The following STYXL1 variants were observed in gnomAD, a reference collection of about 807,000 sequenced individuals.
The protein encoded by STYXL1 is serine/threonine/tyrosine-interacting-like protein 1.
In STYXL1, 32 loss-of-function variants were observed where a neutral mutation model predicts 36.4. The ratio of observed to expected loss-of-function variants is 0.88; its 90% CI spans 0.66 to 1.18. STYXL1 has a LOEUF of 1.18. Ranked by LOEUF, STYXL1 falls within the 50% of genes most tolerant of loss-of-function variation. The pLI is 0.00. For synonymous variants in STYXL1, 133 were observed against 144.1 expected, an observed-to-expected ratio of 0.92 and a Z score of 0.55; for missense variants, 354 against 394.1, an observed-to-expected ratio of 0.90 and a Z score of 0.86.
At chr7:76,005,434 G>A (rs1186365050) in intron 5 of STYXL1, 30 bp from the exon 6 acceptor site, 20 of 1,569,022 alleles carry the variant, frequency 1.3e-5, no homozygotes, top group Non-Finnish European at 1.5e-5. Flanking sequence ...AGGCAGCTAT[G>A]AGCATATTCC....
intron 1 of STYXL1, among the ~76,000 whole-genome samples, chr7:76,031,279 C>T (rs75657820): frequency 0.017 from 2,156 of 129,960 alleles, 72 homozygotes; most frequent in East Asian, 0.16. Flanking sequence ...TGCAGTGAGC[C>T]GGAATCATGC....
chr7:76,003,813 T>C lies in STYXL1; in HGVS notation c.642A>G (p.Glu214=). ...GAAGAATCTGGGCTTCCGGGGAATC[T>C]TCTATCCGGATGTGCAGAAGCTTGT... ...DADKLLHIRI[E]DSPEAQILPF... Residue 214 remains glutamate (E), a synonymous_variant, in exon 7 of 9, where the codon GAA becomes GAG. Transcript: ENST00000359697. The C allele has an allele frequency of 1.2e-6, 2 of 1,614,196 alleles. 1 individual carries two copies. Among genetic ancestry groups the C allele is most frequent in the Non-Finnish European group, 1.7e-6 (2 of 1,180,034 alleles).
At chr7:76,017,061 G>C (rs372701700) in intron 4 of STYXL1, among the ~76,000 whole-genome samples, 3 of 151,872 alleles carry the variant, frequency 2.0e-5, no homozygotes, top group Admixed American at 6.6e-5. Context: ...CGCTCTTGTC[G>C]CCCAGGCTGG....
At chr7:76,016,689 CCTT>C (rs566447329) in intron 4 of STYXL1, among the ~76,000 whole-genome samples, 87 of 152,092 alleles carry the variant, frequency 5.7e-4, no homozygotes, top group Non-Finnish European at 1.1e-3. Flanking sequence ...AATGAGATAA[CCTT>C]CTCACATCAG....
chr7:76,030,641 G>A lies in STYXL1; in HGVS notation c.-4-114C>T. The A allele has an allele frequency of 7.6e-6, 5 of 655,898 alleles. No homozygotes were observed. In the East Asian group the frequency reaches 1.1e-4, roughly 15 times the overall value. 40.6% of individuals were successfully genotyped at this position (655,898 alleles called of 1,614,324 possible). A position where few individuals can be genotyped will look rare whatever the true frequency, so the allele number is the denominator to read the frequency against. On this transcript the variant is annotated intron_variant, in intron 1 of 8. Transcript: ENST00000359697. ...AACATACCTTCAAGCAAAGATGACA[G>A]TAATCATGTAAATGATCAGGAATGC...
chr7:76,028,021 T>G (rs1178795243), intron 3 of STYXL1, among the ~76,000 whole-genome samples: 1 of 152,044 alleles, frequency 6.6e-6, no homozygotes, highest in African/African-American at 2.4e-5. Context: ...GGCGTAGGAT[T>G]GCTCGAGCCC....
chr7:76,004,477 G>C (rs1213305509), intron 6 of STYXL1, among the ~76,000 whole-genome samples: 3 of 151,984 alleles, frequency 2.0e-5, no homozygotes, highest in Non-Finnish European at 2.9e-5. Flanking sequence ...GCCAAGGCAG[G>C]CAGATCACTT....
At chr7:76,022,891 C>A (rs1453389893) in intron 3 of STYXL1, among the ~76,000 whole-genome samples, 5 of 152,138 alleles carry the variant, frequency 3.3e-5, no homozygotes, top group African/African-American at 1.2e-4. Context: ...TGCACCACTG[C>A]ACTCCAGCCT....
At chr7:76,003,630 G>A (rs1180345004) in intron 7 of STYXL1, 128 bp downstream of exon 7, 5 of 808,656 alleles carry the variant, frequency 6.2e-6, no homozygotes, top group East Asian at 5.4e-5. Context: ...AGCATATGCC[G>A]AGCTGGGCCC....
At chr7:76,033,541 AT>A (rs1447939078) in intron 1 of STYXL1, among the ~76,000 whole-genome samples, 6 of 152,068 alleles carry the variant, frequency 3.9e-5, no homozygotes, top group Non-Finnish European at 8.8e-5. Context: ...TCCAGGGGTA[AT>A]CTTGCTCTAA....
At chr7:76,000,773 G>A in intron 8 of STYXL1, 117 bp downstream of exon 8, 1 of 778,064 alleles carries the variant, frequency 1.3e-6, no homozygotes, top group South Asian at 1.5e-5. Context: ...TAGACTTGGA[G>A]TTATCTGGGA....
At chr7:76,040,595 T>C (rs1280465634) in intron 1 of STYXL1, among the ~76,000 whole-genome samples, 1 of 152,160 alleles carries the variant, frequency 6.6e-6, no homozygotes, top group Admixed American at 6.6e-5. Context: ...TCCCAGCGCT[T>C]TGGGAGACCG....
chr7:76,017,392 A>C (rs1793505757), intron 4 of STYXL1, among the ~76,000 whole-genome samples: 1 of 152,152 alleles, frequency 6.6e-6, no homozygotes, highest in African/African-American at 2.4e-5. Context: ...AAAAGAACAA[A>C]ATCATGTCCT....
chr7:76,003,724 G>A (rs781964101), intron 7 of STYXL1, 34 bp downstream of exon 7: 2 of 1,597,644 alleles, frequency 1.3e-6, no homozygotes, highest in African/African-American at 2.7e-5. Flanking sequence ...CCAGACACAG[G>A]CCAGTTGCTA....
rs1386381195 is a variant in STYXL1, at chr7:76,038,853, C to T, written c.-4-8326G>A. 2.7e-5 allele frequency among the ~76,000 whole-genome samples: 4 copies of T among 149,332 alleles called. 1 individual carries two copies. The highest frequency in any genetic ancestry group is 1.0e-4 in the African/African-American group (4 of 38,762). ...CCAGGCTGGAGTGCAGTGGCGCGAT[C>T]GTCACTCACTGCAGCCTCAAACTCC... On this transcript the variant is annotated intron_variant, in intron 1 of 8. Transcript: ENST00000359697.
At chr7:76,005,823 GGAGGAAGAGA>G (rs1554569993) in intron 5 of STYXL1, among the ~76,000 whole-genome samples, 1 of 139,972 alleles carries the variant, frequency 7.1e-6, no homozygotes, top group Non-Finnish European at 1.5e-5. Flanking sequence ...AGGAGGAGGA[GGAGGAAGAGA>G]GAGGAGGAGG....
intron 1 of STYXL1, among the ~76,000 whole-genome samples, chr7:76,037,051 T>C (rs2116424881): frequency 6.7e-6 from 1 of 150,146 alleles, no homozygotes; most frequent in South Asian, 2.2e-4. Flanking sequence ...ACCAAAGTGC[T>C]AGGATTACAG....
chr7:76,001,813 T>C (rs1318174024), intron 7 of STYXL1, among the ~76,000 whole-genome samples: 1 of 150,226 alleles, frequency 6.7e-6, no homozygotes, highest in Admixed American at 6.6e-5. Context: ...TTTTTTTTTT[T>C]TTTCAATATA....
At chr7:76,029,758 A>G (rs1401475088) in intron 2 of STYXL1, among the ~76,000 whole-genome samples, 1 of 152,124 alleles carries the variant, frequency 6.6e-6, no homozygotes, top group African/African-American at 2.4e-5. Flanking sequence ...GGAGAGCGCA[A>G]CTTAGATCCC....
Sources: gnomAD v4.1 joint callset for allele counts (sites outside exome capture counted in the v4.1 genomes callset) on GRCh38, gnomAD v4.1.1 for gene constraint, MANE v1.5 for transcripts, NCBI Gene and HGNC (gene_info 2026-07-23, HGNC 2026-07-21) for gene names.